MARVELD3: variants seen among roughly 807,000 people sequenced by gnomAD.
MARVELD3 encodes the protein MARVEL domain-containing protein 3.
MARVELD3 carries 28 observed loss-of-function variants against 33.5 expected under a neutral mutation model. The observed-to-expected ratio is 0.84, with a 90% CI of 0.62 to 1.15. MARVELD3 has a LOEUF of 1.15. Ranked by LOEUF, MARVELD3 falls within the 50% of genes most tolerant of loss-of-function variation. The pLI is 0.00. For synonymous variants in MARVELD3, 241 were observed against 230.4 expected (o/e 1.05, Z -0.42); for missense variants, 582 against 547.6 (o/e 1.06, Z -0.63).
downstream of MARVELD3, chr16:71,640,767 G>T (rs1336162157): frequency 6.2e-7 from 1 of 1,614,134 alleles, no homozygotes; most frequent in Admixed American, 1.7e-5. Context: ...CCTCCACGTG[G>T]CTCTGCAGAT....
At chr16:71,630,927 TCTAGCGGTCTTGGC>T (rs1342951593) in intron 2 of MARVELD3, among the ~76,000 whole-genome samples, 1 of 152,176 alleles carries the variant, frequency 6.6e-6, no homozygotes, top group Non-Finnish European at 1.5e-5. Flanking sequence ...AGGTTCCCAT[TCTAGCGGTCTTGGC>T]CTTGCCAGCA....
intron 2 of MARVELD3, 79 bp from the exon 3 acceptor site, chr16:71,634,114 C>G (rs2044558200): frequency 3.9e-6 from 6 of 1,540,008 alleles, no homozygotes; most frequent in Admixed American, 2.0e-5. Flanking sequence ...GAGCCCTGCG[C>G]GGAAGGTGGG....
rs1391606932 is a variant in MARVELD3, at chr16:71,634,427, G to A, written c.830G>A (p.Ser277Asn). The A allele has an allele frequency of 6.2e-7, 1 of 1,614,252 alleles. No homozygotes were observed. The highest frequency in any genetic ancestry group is 8.5e-7 in the Non-Finnish European group (1 of 1,180,038). The part of the protein sequence containing the change: ...LPMVTVAMAC[S>N]GALTALCCLF... ...ATGGTCACTGTGGCAATGGCCTGTA[G>A]TGGAGCCCTCACAGCCCTCTGCTGC... The change falls in exon 3 of 3, where the codon AGT becomes AAT. Residue 277 changes from serine to asparagine, a missense_variant. Ser to Asn is a conservative substitution (Grantham distance 46). Transcript: ENST00000268485.
intron 2 of MARVELD3, among the ~76,000 whole-genome samples, chr16:71,633,699 T>TC (rs1264613841): frequency 1.3e-5 from 2 of 151,508 alleles, no homozygotes; most frequent in Non-Finnish European, 2.9e-5. Context: ...CCAGTCTTTT[T>TC]TTTTTTTTTT....
downstream of MARVELD3, chr16:71,640,705 C>A (rs1400399845): frequency 6.2e-7 from 1 of 1,614,238 alleles, no homozygotes. Flanking sequence ...CTCACGGAGG[C>A]CGCCTTCAGC....
At position 71,628,114 on chromosome 16, in the gene MARVELD3, G is replaced by C. The variant is rs112715997; in HGVS notation, c.468-1253G>C. On this transcript the variant is annotated intron_variant, in intron 1 of 2. Coordinates refer to ENST00000268485, the MANE Select transcript of MARVELD3 (RefSeq NM_052858.6). ...ATCTAAAACTAACTAGCATAACAAA[G>C]GGTGCGCCCAGATACAGTCAAAGCT... 6.2e-3 allele frequency among the ~76,000 whole-genome samples: 941 copies of C among 152,318 alleles called. 15 individuals carry two copies. The highest frequency in any genetic ancestry group is 0.022 in the African/African-American group (896 of 41,578).
downstream of MARVELD3, chr16:71,640,916 C>T: frequency 1.9e-6 from 3 of 1,614,108 alleles, no homozygotes; most frequent in East Asian, 2.2e-5. Context: ...ACGGCGCCAG[C>T]GTGGTGCTGG....
chr16:71,628,538 A>C (rs2044497107), intron 1 of MARVELD3, among the ~76,000 whole-genome samples: 1 of 149,530 alleles, frequency 6.7e-6, no homozygotes, highest in Admixed American at 6.7e-5. Context: ...CTCCATCTCA[A>C]AACAAAAAAA....
In MARVELD3 at chr16:71,626,501, G is replaced by A. The variant is rs61753635; in HGVS notation, c.272G>A (p.Arg91Gln). 423,846 of 1,549,642 alleles carry A rather than the reference G, an allele frequency of 0.27. 60,847 individuals carry two copies. The highest frequency in any genetic ancestry group is 0.3 in the Middle Eastern group (1,740 of 5,782). The part of the protein sequence containing the change: ...RERDPDRGPR[R>Q]DTHRDAGPRA... Reference sequence around the variant, plus strand: ...AGAGACCCGGACCGAGGCCCCCGCCGGGACACACACAGGGACGCGGGCCCT... The same window carrying A: ...AGAGACCCGGACCGAGGCCCCCGCCAGGACACACACAGGGACGCGGGCCCT... The change falls in exon 1 of 3, where the codon CGG (arginine) becomes CAG (glutamine). Residue 91 changes from arginine (R) to glutamine (Q), a missense_variant. Arg to Gln is a conservative substitution (Grantham distance 43). Transcript: ENST00000268485. The surrounding 1 kb of genome is among the most constrained non-coding windows in gnomAD (Gnocchi z 5.3).
chr16:71,640,577 C>A (rs1243683312), downstream of MARVELD3: 5 of 1,614,098 alleles, frequency 3.1e-6, no homozygotes, highest in Non-Finnish European at 8.5e-7. Flanking sequence ...AGTACACGAT[C>A]CTCCGCTCGC....
At chr16:71,629,767 G>A in intron 2 of MARVELD3, 1 of 448,892 alleles carries the variant, frequency 2.2e-6, no homozygotes, top group Non-Finnish European at 3.8e-6. Context: ...CAGACTCCAG[G>A]TGGAAGTGCA....
chr16:71,639,673 C>G (rs2044603959), downstream of MARVELD3, among the ~76,000 whole-genome samples: 1 of 151,426 alleles, frequency 6.6e-6, no homozygotes, highest in Non-Finnish European at 1.5e-5. Flanking sequence ...TCTCCAACTC[C>G]TGACCTCAAG....
At chr16:71,640,391 T>G, downstream of MARVELD3, 1 of 1,613,570 alleles carries the variant, frequency 6.2e-7, no homozygotes, top group Non-Finnish European at 8.5e-7. Flanking sequence ...TTCTCCTAGG[T>G]GTGGTGCAGA....
At chr16:71,633,454 C>T (rs567850926) in intron 2 of MARVELD3, among the ~76,000 whole-genome samples, 2 of 152,210 alleles carry the variant, frequency 1.3e-5, no homozygotes, top group East Asian at 1.9e-4. Flanking sequence ...AATGCAGTGG[C>T]GCGATCTCAG....
chr16:71,641,022 C>G (rs2044615429), downstream of MARVELD3: 1 of 1,596,360 alleles, frequency 6.3e-7, no homozygotes, highest in Non-Finnish European at 8.6e-7. Flanking sequence ...GTCTGGAACT[C>G]TTTGAGATCT....
rs1326928437 is a variant in MARVELD3, at chr16:71,626,434, C to A, written c.205C>A (p.Arg69Ser). 6.5e-7 allele frequency: 1 copy of A among 1,548,248 alleles called. No individual in the cohort carries two copies. Among genetic ancestry groups the A allele is most frequent in the Non-Finnish European group, 8.7e-7 (1 of 1,146,210 alleles). ...PERDQERDGN[R>S]DRNRDRERER... Reference sequence around the variant, plus strand: ...GAGAGACCAGGAGAGGGACGGGAACCGCGACCGGAACCGGGACCGGGAGAG... The same window carrying A: ...GAGAGACCAGGAGAGGGACGGGAACAGCGACCGGAACCGGGACCGGGAGAG... The change falls in exon 1 of 3, where the codon CGC becomes AGC. Residue 69 changes from arginine to serine, a missense_variant. By Grantham distance (110) the Arg-to-Ser change is moderately radical (BLOSUM62 -1). Transcript: ENST00000268485. The surrounding 1 kb of genome is among the most constrained non-coding windows in gnomAD (Gnocchi z 5.3).
rs755673547 is a variant in MARVELD3, at chr16:71,634,354, G to A, written c.757G>A (p.Glu253Lys). The change falls in exon 3 of 3, where the codon GAG (glutamate) becomes AAG (lysine). Residue 253 changes from glutamate to lysine, a missense_variant. Physicochemically the swap from Glu to Lys is moderately conservative, Grantham distance 56 (BLOSUM62 1). Transcript: ENST00000268485. ...CAGTGGCTTTGATGGTGCTGACGGGGAGAAGGCCCAGCAACTGGATGTCCA... is the reference window on the plus strand; with the variant it reads ...CAGTGGCTTTGATGGTGCTGACGGGAAGAAGGCCCAGCAACTGGATGTCCA... ...AYSGFDGADG[E>K]KAQQLDVQFY... is the part of the protein sequence containing the mutation. The A allele has an allele frequency of 6.2e-7, 1 of 1,614,054 alleles. No homozygotes were observed. Among genetic ancestry groups the A allele is most frequent in the African/African-American group, 1.3e-5 (1 of 74,918 alleles).
At chr16:71,632,252 G>A (rs987539777) in intron 2 of MARVELD3, among the ~76,000 whole-genome samples, 2 of 152,196 alleles carry the variant, frequency 1.3e-5, no homozygotes, top group African/African-American at 4.8e-5. Flanking sequence ...TAATGAGAAT[G>A]TTCTGTGTCT....
At position 71,629,367 on chromosome 16, in the gene MARVELD3, T is replaced by C. The variant is rs202067406; in HGVS notation, c.468T>C (p.Ser156=). ...KGDPGRRRPE[S]EPPSERYLPS... ...GACCATGTATGCTTTTTGGTTATAG[T>C]GAACCCCCTTCGGAGAGATATCTGC... Residue 156 remains serine (S), a splice_region_variant and synonymous_variant, in exon 2 of 3, where the codon AGT becomes AGC. Coordinates refer to ENST00000268485, the MANE Select transcript of MARVELD3 (RefSeq NM_052858.6). 1.3e-3 allele frequency: 2,070 copies of C among 1,542,378 alleles called. 24 individuals are homozygous for C. The highest frequency in any genetic ancestry group is 0.011 in the South Asian group (896 of 78,494).
Sources: gnomAD v4.1 joint callset for allele counts (sites outside exome capture counted in the v4.1 genomes callset) on GRCh38, gnomAD v4.1.1 for gene constraint, Gnocchi (gnomAD v3.1) non-coding constraint, MANE v1.5 for transcripts, NCBI Gene and HGNC (gene_info 2026-07-23, HGNC 2026-07-21) for gene names.